The following RABGAP1L variants were observed in gnomAD, a reference collection of about 807,000 sequenced individuals.
RABGAP1L encodes rab GTPase-activating protein 1-like.
RABGAP1L carries 63 observed loss-of-function variants against 137.7 expected under a neutral mutation model. The observed-to-expected ratio is 0.46, with a 90% CI of 0.37 to 0.56. The LOEUF is 0.56. Among genes scored for constraint, RABGAP1L ranks in the 20% least tolerant of loss-of-function variants. RABGAP1L has a pLI of 0.00. For synonymous variants in RABGAP1L, 431 were observed against 433.7 expected (o/e 0.99, Z 0.08); for missense variants, 1,095 against 1,244.0 (o/e 0.88, Z 1.80).
chr1:174,479,652 G>C (rs1658881697), intron 13 of RABGAP1L, among the ~76,000 whole-genome samples: 2 of 152,152 alleles, frequency 1.3e-5, no homozygotes, highest in Non-Finnish European at 1.5e-5. Flanking sequence ...GGAAGCAGTA[G>C]TATAAATTTG....
chr1:174,954,304 A>G (rs1668180094), intron 19 of RABGAP1L: 2 of 152,168 alleles, frequency 1.3e-5, no homozygotes, highest in Non-Finnish European at 2.9e-5. Flanking sequence ...TTTCCTAGCA[A>G]CATATTGTTC....
intron 15 of RABGAP1L, among the ~76,000 whole-genome samples, chr1:174,694,363 C>T (rs1679095423): frequency 6.7e-6 from 1 of 148,180 alleles, no homozygotes; most frequent in African/African-American, 2.5e-5. Flanking sequence ...CCCCAACCCA[C>T]AACAGTCCCC....
In RABGAP1L at chr1:174,520,777, G is replaced by T. The variant is rs372302953; in HGVS notation, c.1711-116598G>T. On this transcript the variant is annotated intron_variant, in intron 13 of 25. Transcript: ENST00000681986. ...CAGCACTTTGGGAGGCTGAGGCAGG[G>T]AGATCATGAGGTCAGGAGATTGAGA... is the stretch of plus-strand genomic sequence containing the variant. Among the ~76,000 whole-genome samples the T allele has an allele frequency of 1.6e-3, 250 of 152,062 alleles. 2 individuals are homozygous for T. The highest frequency in any genetic ancestry group is 8.1e-3 in the South Asian group (39 of 4,812).
intron 18 of RABGAP1L, among the ~76,000 whole-genome samples, chr1:174,794,550 A>G (rs578170489): frequency 1.6e-4 from 25 of 152,358 alleles, no homozygotes; most frequent in African/African-American, 6.0e-4. Context: ...AGAAGCTCAG[A>G]GGGCTAAGTA....
At chr1:174,578,709 A>G (rs1668540522) in intron 13 of RABGAP1L, among the ~76,000 whole-genome samples, 1 of 152,214 alleles carries the variant, frequency 6.6e-6, no homozygotes, top group Admixed American at 6.5e-5. Flanking sequence ...GAATGGAAAT[A>G]CATATATAGG....
At chr1:174,323,434 C>G (rs1191631546) in intron 11 of RABGAP1L, among the ~76,000 whole-genome samples, 1 of 152,014 alleles carries the variant, frequency 6.6e-6, no homozygotes, top group Non-Finnish European at 1.5e-5. Flanking sequence ...TAACTACACT[C>G]TTAATTGCTT....
intron 1 of RABGAP1L, among the ~76,000 whole-genome samples, chr1:174,160,325 G>A (rs565431519): frequency 6.6e-6 from 1 of 152,262 alleles, no homozygotes; most frequent in African/African-American, 2.4e-5. Flanking sequence ...CTGAGTCAAA[G>A]TTTCTGAGAC....
At chr1:174,812,350 A>G (rs1689953031) in intron 19 of RABGAP1L, among the ~76,000 whole-genome samples, 1 of 152,256 alleles carries the variant, frequency 6.6e-6, no homozygotes, top group African/African-American at 2.4e-5. Context: ...AGTGACTTGG[A>G]AAGTTTGAGT....
Position 174,172,919 on chromosome 1 carries a change from A to G in RABGAP1L, c.-34+13262A>G, listed in dbSNP as rs536861013. Among the ~76,000 whole-genome samples the G allele has an allele frequency of 2.6e-5, 4 of 152,200 alleles. No homozygotes were observed. The East Asian group carries it at 5.8e-4, about 22-fold the overall frequency. The stretch of plus-strand genomic sequence containing the variant: ...TTTTGGTGTAGTATCCACCAATATC[A>G]TTGCCAAGGCCGAACAATATCAGGG... On this transcript the variant is annotated intron_variant, in intron 1 of 25. Coordinates refer to ENST00000681986, the MANE Select transcript of RABGAP1L (RefSeq NM_001366446.1).
At chr1:174,794,133 G>T (rs540622215) in intron 18 of RABGAP1L, among the ~76,000 whole-genome samples, 11 of 152,248 alleles carry the variant, frequency 7.2e-5, no homozygotes, top group South Asian at 2.1e-4. Flanking sequence ...ATCATTGAAG[G>T]TTCATCTTTT....
At chr1:174,618,910 T>G (rs1672169667) in intron 13 of RABGAP1L, among the ~76,000 whole-genome samples, 1 of 152,100 alleles carries the variant, frequency 6.6e-6, no homozygotes, top group Non-Finnish European at 1.5e-5. Context: ...TAGACGAATG[T>G]ATAACTAGAA....
chr1:174,735,628 A>G (rs927237278), intron 17 of RABGAP1L, among the ~76,000 whole-genome samples: 6 of 148,082 alleles, frequency 4.1e-5, no homozygotes, highest in South Asian at 4.3e-4. Flanking sequence ...AAAAAAAAAA[A>G]AAAAAAAAAA....
intron 18 of RABGAP1L, among the ~76,000 whole-genome samples, chr1:174,780,557 G>A (rs1686903094): frequency 6.6e-6 from 1 of 151,970 alleles, no homozygotes. Flanking sequence ...TAAAGTACAT[G>A]CTTTTGATAT....
intron 13 of RABGAP1L, among the ~76,000 whole-genome samples, chr1:174,490,359 A>G (rs952206941): frequency 2.0e-5 from 3 of 152,158 alleles, no homozygotes; most frequent in South Asian, 2.1e-4. Context: ...GTGGTCTTAG[A>G]TAAGATCTGG....
At chr1:174,379,226 C>T (rs1404374055) in intron 12 of RABGAP1L, among the ~76,000 whole-genome samples, 1 of 149,592 alleles carries the variant, frequency 6.7e-6, no homozygotes, top group Non-Finnish European at 1.5e-5. Context: ...AGTGTGATGC[C>T]TCCAGCTTTG....
At chr1:174,250,703 A>G in intron 6 of RABGAP1L, 71 bp downstream of exon 6, 6 of 1,398,282 alleles carry the variant, frequency 4.3e-6, no homozygotes, top group Non-Finnish European at 3.9e-6. Context: ...TAAAGTTTCA[A>G]GAAACTATAC....
At chr1:174,895,697 G>T (rs1340496067) in intron 19 of RABGAP1L, among the ~76,000 whole-genome samples, 4 of 152,002 alleles carry the variant, frequency 2.6e-5, no homozygotes, top group South Asian at 2.1e-4. Flanking sequence ...GCGGTGTTTG[G>T]TTTTTTGTCC....
At chr1:174,165,630 T>G (rs1664847201) in intron 1 of RABGAP1L, among the ~76,000 whole-genome samples, 1 of 152,096 alleles carries the variant, frequency 6.6e-6, no homozygotes, top group Non-Finnish European at 1.5e-5. Context: ...CCCAAGTGGC[T>G]GGGACTATAT....
intron 18 of RABGAP1L, 76 bp from the exon 19 acceptor site, chr1:174,811,756 A>G (rs1251373523): frequency 1.0e-5 from 14 of 1,344,218 alleles, no homozygotes; most frequent in East Asian, 2.6e-5. Flanking sequence ...TCAAGAAAAT[A>G]TAAATTCTTT....
Sources: allele counts gnomAD v4.1 joint callset (sites outside exome capture counted in the v4.1 genomes callset), GRCh38; gene constraint gnomAD v4.1.1; transcripts MANE v1.5; gene names NCBI Gene and HGNC (gene_info 2026-07-23, HGNC 2026-07-21).